The following RASGEF1B variants were observed in gnomAD, a reference collection of about 807,000 sequenced individuals.
The protein encoded by RASGEF1B is ras-GEF domain-containing family member 1B.
A neutral mutation model predicts 65.7 loss-of-function variants in RASGEF1B; 30 were observed. That is an observed-to-expected ratio of 0.46 (90% confidence interval 0.34 to 0.62). RASGEF1B has a LOEUF of 0.62. RASGEF1B is among the 20% of genes least tolerant of loss of function. The probability of loss-of-function intolerance (pLI) is 0.01; values close to 1 mark genes in which losing one functional copy is unlikely to be tolerated. For missense variants in RASGEF1B, 495 were observed against 580.1 expected (o/e 0.85, Z 1.51); for synonymous variants, 175 against 194.8 (o/e 0.90, Z 0.85).
At chr4:81,430,468 A>C (rs1721392213) in intron 13 of RASGEF1B, among the ~76,000 whole-genome samples, 1 of 152,206 alleles carries the variant, frequency 6.6e-6, no homozygotes, top group Non-Finnish European at 1.5e-5. Flanking sequence ...TATAGATGGC[A>C]AAATAAGGGA....
rs1013979284 is a variant in RASGEF1B, at chr4:81,426,578, C to G, written c.*1190G>C. The stretch of plus-strand genomic sequence containing the variant: ...TTTCTCATTAGCACGAATTACTACT[C>G]TACAGTTTCTTCTAGAGTAAATAAA... On this transcript the variant is annotated 3_prime_UTR_variant, in exon 14 of 14. Transcript: ENST00000264400. 2 of 152,152 alleles carry G rather than the reference C, an allele frequency of 1.3e-5. No individual in the cohort carries two copies. Among genetic ancestry groups the G allele is most frequent in the African/African-American group, 4.8e-5 (2 of 41,430 alleles). 9.4% of individuals were successfully genotyped at this position (152,152 alleles called of 1,614,324 possible). A position where few individuals can be genotyped will look rare whatever the true frequency, so the allele number is the denominator to read the frequency against.
intron 1 of RASGEF1B, among the ~76,000 whole-genome samples, chr4:81,461,847 T>C (rs955129742): frequency 2.0e-5 from 3 of 152,184 alleles, no homozygotes; most frequent in Non-Finnish European, 2.9e-5. Flanking sequence ...CAGGCTAAGA[T>C]GACCCAGCAA....
intron 1 of RASGEF1B, among the ~76,000 whole-genome samples, chr4:81,464,805 C>T (rs1335578753): frequency 6.6e-6 from 1 of 152,148 alleles, no homozygotes; most frequent in Non-Finnish European, 1.5e-5. Context: ...AACTCTTAGG[C>T]CAGGAGCGGT....
chr4:81,435,449 C>T (rs1293794345), intron 10 of RASGEF1B, among the ~76,000 whole-genome samples: 3 of 137,814 alleles, frequency 2.2e-5, no homozygotes, highest in African/African-American at 5.3e-5. Flanking sequence ...GAATACCTAT[C>T]ATTGCAGGCA....
chr4:81,459,045 A>T, intron 2 of RASGEF1B: 1 of 257,162 alleles, frequency 3.9e-6, no homozygotes, highest in Non-Finnish European at 7.3e-6. Context: ...TTAAGGACTA[A>T]GCTATATGCA....
intron 1 of RASGEF1B, among the ~76,000 whole-genome samples, chr4:81,462,370 G>A (rs1255728530): frequency 6.6e-6 from 1 of 152,186 alleles, no homozygotes. Flanking sequence ...AGAATATAAT[G>A]CAAATAGTGA....
intron 1 of RASGEF1B, among the ~76,000 whole-genome samples, chr4:81,466,786 G>GA (rs1350884804): frequency 6.4e-5 from 9 of 140,008 alleles, no homozygotes; most frequent in African/African-American, 2.5e-4. Context: ...AAGAAAGAAA[G>GA]AAAGAAAGAA....
intron 1 of RASGEF1B, among the ~76,000 whole-genome samples, 156 bp from the exon 2 acceptor site, chr4:81,459,670 A>G (rs919884829): frequency 6.6e-6 from 1 of 152,202 alleles, no homozygotes; most frequent in Non-Finnish European, 1.5e-5. Context: ...CCCATCAGGA[A>G]CCAAATTGCT....
chr4:81,432,103 T>C (rs1031345561), intron 13 of RASGEF1B, among the ~76,000 whole-genome samples, 196 bp downstream of exon 13: 2 of 151,998 alleles, frequency 1.3e-5, no homozygotes, highest in Non-Finnish European at 2.9e-5. Context: ...TATCTGCCAA[T>C]ATAAAAAAAA....
At chr4:81,434,825 T>C (rs577732989) in intron 10 of RASGEF1B, 91 bp from the exon 11 acceptor site, 23 of 702,550 alleles carry the variant, frequency 3.3e-5, no homozygotes, top group South Asian at 3.2e-4. Context: ...ACATTAACTT[T>C]TGATTATATG....
intron 4 of RASGEF1B, chr4:81,453,891 C>T (rs886576721): frequency 1.3e-5 from 2 of 152,180 alleles, no homozygotes; most frequent in African/African-American, 4.8e-5. Flanking sequence ...TCAGATAAAC[C>T]AGCTGGCAAG....
At chr4:81,427,885 C>T (rs2109960418) in intron 13 of RASGEF1B, 93 bp from the exon 14 acceptor site, 2 of 1,268,074 alleles carry the variant, frequency 1.6e-6, no homozygotes, top group Non-Finnish European at 2.2e-6. Context: ...TTTTATCTTT[C>T]CTGTGTTTTA....
At chr4:81,459,172 C>T (rs1288375014) in intron 2 of RASGEF1B, 160 bp downstream of exon 2, 5 of 616,460 alleles carry the variant, frequency 8.1e-6, no homozygotes, top group South Asian at 2.6e-5. Context: ...TATCCAGGCT[C>T]GATTTGATTT....
At chr4:81,448,589 AG>A (rs1722129419) in intron 4 of RASGEF1B, among the ~76,000 whole-genome samples, 1 of 152,198 alleles carries the variant, frequency 6.6e-6, no homozygotes, top group South Asian at 2.1e-4. Flanking sequence ...ATGAGTACTA[AG>A]TATAACTGAA....
chr4:81,443,983 T>C (rs1362040927), intron 8 of RASGEF1B, among the ~76,000 whole-genome samples: 1 of 152,236 alleles, frequency 6.6e-6, no homozygotes, highest in Non-Finnish European at 1.5e-5. Context: ...GTGTATGCAA[T>C]GGTATTAATA....
intron 8 of RASGEF1B, among the ~76,000 whole-genome samples, chr4:81,442,611 G>A (rs1026387868): frequency 6.6e-6 from 1 of 152,238 alleles, no homozygotes; most frequent in Admixed American, 6.5e-5. Context: ...TGAAGGGAAA[G>A]AGAGTAAGCA....
chr4:81,467,325 T>A (rs1578645096), intron 1 of RASGEF1B, among the ~76,000 whole-genome samples: 1 of 152,190 alleles, frequency 6.6e-6, no homozygotes, highest in Non-Finnish European at 1.5e-5. Context: ...CTATCTTTGG[T>A]TTCCTTGGAA....
At chr4:81,440,424 G>A (rs1721794892) in intron 10 of RASGEF1B, among the ~76,000 whole-genome samples, 1 of 152,140 alleles carries the variant, frequency 6.6e-6, no homozygotes, top group South Asian at 2.1e-4. Context: ...GAAAATAAAT[G>A]ACTTAACCAT....
chr4:81,456,949 C>T (rs1320162392), intron 3 of RASGEF1B, among the ~76,000 whole-genome samples, 161 bp from the exon 4 acceptor site: 1 of 152,112 alleles, frequency 6.6e-6, no homozygotes, highest in Non-Finnish European at 1.5e-5. Flanking sequence ...CCAAGTGCCA[C>T]CAACTTAAGG....
Sources: gnomAD v4.1 joint callset for allele counts (sites outside exome capture counted in the v4.1 genomes callset) on GRCh38, gnomAD v4.1.1 for gene constraint, MANE v1.5 for transcripts, NCBI Gene and HGNC (gene_info 2026-07-23, HGNC 2026-07-21) for gene names.